Variants in ZNF236 observed in about 807,000 individuals in gnomAD.
The protein encoded by ZNF236 is regulated by glucose.
In ZNF236, 50 loss-of-function variants were observed where a neutral mutation model predicts 191.2. The observed-to-expected ratio is 0.26, with a 90% confidence interval of 0.21 to 0.33. The LOEUF is 0.33. Among genes scored for constraint, ZNF236 ranks in the 10% least tolerant of loss-of-function variants. The pLI, the probability that ZNF236 is intolerant of heterozygous loss-of-function variation, is 1.00. For synonymous variants in ZNF236, 907 were observed against 928.8 expected (o/e 0.98, Z 0.43); for missense variants, 1,754 against 2,374.5 (o/e 0.74, Z 5.43).
At chr18:76,898,059 A>T (rs993058993) in intron 10 of ZNF236, 4 of 152,216 alleles carry the variant, frequency 2.6e-5, no homozygotes, top group African/African-American at 9.7e-5. Context: ...TCAGATTTGG[A>T]TTTAGACTGA....
chr18:76,953,198 GA>G lies in ZNF236; in HGVS notation c.4915-2786del, dbSNP rs374613657. ...AAAACGAATGAACTAATTTCTGCCT[GA>G]CCCTTCCCATAAGGATCAAGAGACC... On this transcript the variant is annotated intron_variant, in intron 27 of 30. Coordinates refer to ENST00000320610, the MANE Select transcript of ZNF236 (RefSeq NM_001306089.2). 6.9e-3 allele frequency among the ~76,000 whole-genome samples: 1,045 copies of G among 152,284 alleles called. 12 individuals carry two copies. Among genetic ancestry groups the G allele is most frequent in the African/African-American group, 0.024 (996 of 41,540 alleles).
chr18:76,875,488 C>T lies in ZNF236; in HGVS notation c.668-4C>T. ...ATATTTTGATCATTTTTCTCCCACT[C>T]TAGGTGAAAGGCCGTTCAAATGTAG... On this transcript the variant is annotated splice_region_variant and splice_polypyrimidine_tract_variant and intron_variant, in intron 5 of 30. Coordinates refer to ENST00000320610, the MANE Select transcript of ZNF236 (RefSeq NM_001306089.2). This position sits in a 1 kb window ranked among gnomAD's most constrained non-coding sequence, Gnocchi z 4.3. 6.6e-7 allele frequency: 1 copy of T among 1,508,046 alleles called. No homozygotes were observed. Among genetic ancestry groups the T allele is most frequent in the Non-Finnish European group, 8.9e-7 (1 of 1,121,692 alleles). The allele number at this position is 1,508,046 out of a possible 1,614,324, so 93.4% of individuals were successfully genotyped here.
rs543723881 is a variant in ZNF236 at position 76,855,875 on chromosome 18, T to A, written c.363+3936T>A. Among the ~76,000 whole-genome samples the A allele has an allele frequency of 2.6e-5, 4 of 152,290 alleles. No individual in the cohort carries two copies. The South Asian group carries it at 8.3e-4, about 32-fold the overall frequency. On this transcript the variant is annotated intron_variant, in intron 3 of 30. Coordinates refer to ENST00000320610, the MANE Select transcript of ZNF236 (RefSeq NM_001306089.2). ...GCCCAGAACATCAGTAGTGTGAGGTTGAGGAAACCCTGGGTTAATAGAAAT... is the reference window on the plus strand; with the variant it reads ...GCCCAGAACATCAGTAGTGTGAGGTAGAGGAAACCCTGGGTTAATAGAAAT...
chr18:76,912,052 A>C (rs1013358332), intron 16 of ZNF236, among the ~76,000 whole-genome samples, 192 bp from the exon 17 acceptor site: 7 of 152,232 alleles, frequency 4.6e-5, no homozygotes, highest in African/African-American at 1.7e-4. Flanking sequence ...ATAGGTCTTC[A>C]TTTAATAAAA....
At chr18:76,885,103 T>A (rs988975261) in intron 9 of ZNF236, 6 of 152,036 alleles carry the variant, frequency 3.9e-5, no homozygotes, top group Admixed American at 6.6e-5. Flanking sequence ...CCTGGAAGAG[T>A]ACCTTTAAAG....
intron 11 of ZNF236, among the ~76,000 whole-genome samples, chr18:76,900,639 T>C (rs1181453499): frequency 1.3e-5 from 2 of 152,174 alleles, no homozygotes; most frequent in Non-Finnish European, 1.5e-5. Context: ...TACTGCATAC[T>C]ACACATGTGA....
chr18:76,884,540 CTT>C lies in ZNF236; in HGVS notation c.1417+3031_1417+3032del, dbSNP rs1976994079. Among the ~76,000 whole-genome samples, 4 of 152,050 alleles carry C rather than the reference CTT, an allele frequency of 2.6e-5. No homozygotes were observed. The South Asian group carries it at 8.3e-4, about 31-fold the overall frequency. On this transcript the variant is annotated intron_variant, in intron 9 of 30. Transcript: ENST00000320610. ...ATAGTGAAACTATTGTGTGTGGAAA[CTT>C]TTCTAAAAGTCCTTGCATACTTTAC...
At chr18:76,891,154 G>A (rs1977219962) in intron 9 of ZNF236, among the ~76,000 whole-genome samples, 1 of 152,138 alleles carries the variant, frequency 6.6e-6, no homozygotes, top group Non-Finnish European at 1.5e-5. Context: ...CTGCATCGGG[G>A]TCAGTGCCTC....
In ZNF236 at chr18:76,919,907, G is replaced by T. The variant is rs1599394493; in HGVS notation, c.3406G>T (p.Val1136Leu). 1.2e-6 allele frequency: 2 copies of T among 1,614,222 alleles called. No individual in the cohort carries two copies. The highest frequency in any genetic ancestry group is 8.5e-7 in the Non-Finnish European group (1 of 1,180,042). The change falls in exon 20 of 31, where the codon GTG becomes TTG. Residue 1136 changes from valine to leucine, a missense_variant. Transcript: ENST00000320610. The surrounding 1 kb of genome is among the most constrained non-coding windows in gnomAD (Gnocchi z 5.3). ...GATCCGGCCGCAGGAGAGCGCCACG[G>T]TGTCAGAGAAGGTCCTGGTGCAGTC... ...AKIRPQESAT[V>L]SEKVLVQSAA...
At chr18:76,877,064 A>G (rs879889889) in intron 6 of ZNF236, among the ~76,000 whole-genome samples, 7 of 152,336 alleles carry the variant, frequency 4.6e-5, no homozygotes, top group South Asian at 2.1e-4. Context: ...GAAGGGGCCA[A>G]TGGGTTTTCA....
At chr18:76,846,034 T>C (rs1461444113) in intron 1 of ZNF236, among the ~76,000 whole-genome samples, 3 of 152,208 alleles carry the variant, frequency 2.0e-5, no homozygotes, top group African/African-American at 7.2e-5. Context: ...GGTATGCTGT[T>C]CCAGCAGGGT....
chr18:76,944,813 A>G (rs1381372878), intron 26 of ZNF236, among the ~76,000 whole-genome samples: 7 of 152,210 alleles, frequency 4.6e-5, no homozygotes, highest in East Asian at 1.9e-4. Context: ...AAGGTTTGCA[A>G]TTGAAACACA....
intron 27 of ZNF236, among the ~76,000 whole-genome samples, chr18:76,949,675 T>C (rs1221588747): frequency 1.3e-5 from 2 of 151,014 alleles, no homozygotes. Context: ...TTTTTTTTTT[T>C]TGAGACAGAG....
intron 25 of ZNF236, among the ~76,000 whole-genome samples, chr18:76,932,841 G>C (rs1967893063): frequency 1.3e-5 from 2 of 152,210 alleles, no homozygotes; most frequent in South Asian, 4.1e-4. Context: ...CGAAATTGGG[G>C]ATGTTCTGAC....
chr18:76,968,838 C>A lies in ZNF236; in HGVS notation c.*499C>A, dbSNP rs571009085. ...AGTTTTTTCCACTCTTTTCTCTGTG[C>A]ATTTTGAAAATTAGTCAAAATGGAC... On this transcript the variant is annotated 3_prime_UTR_variant, in exon 31 of 31. Transcript: ENST00000320610. 1.4e-5 allele frequency: 14 copies of A among 987,040 alleles called. No individual in the cohort carries two copies. The African/African-American group carries it at 2.4e-4, about 17-fold the overall frequency. 61.1% of individuals were successfully genotyped at this position (987,040 alleles called of 1,614,324 possible).
intron 9 of ZNF236, among the ~76,000 whole-genome samples, chr18:76,892,203 G>A (rs764264741): frequency 3.8e-5 from 2 of 52,164 alleles, no homozygotes; most frequent in Non-Finnish European, 8.2e-5. Context: ...AATAGGAAGC[G>A]TATTGATTTT....
intron 1 of ZNF236, among the ~76,000 whole-genome samples, chr18:76,826,695 A>C (rs1975028936): frequency 3.4e-5 from 5 of 148,842 alleles, no homozygotes. Flanking sequence ...GCTACTTGGG[A>C]GTGCTGAGGC....
intron 3 of ZNF236, among the ~76,000 whole-genome samples, chr18:76,860,720 T>C (rs1278451376): frequency 6.6e-6 from 1 of 152,258 alleles, no homozygotes; most frequent in East Asian, 1.9e-4. Context: ...GTTGTGGTTG[T>C]AAGAACTTAC....
chr18:76,955,951 T>G (rs763026775), intron 27 of ZNF236, 34 bp from the exon 28 acceptor site: 15 of 1,588,748 alleles, frequency 9.4e-6, no homozygotes, highest in Non-Finnish European at 1.3e-5. Context: ...TCAAGCCAAG[T>G]GAGTGGAAAG....
Sources: gnomAD v4.1 joint callset for allele counts (sites outside exome capture counted in the v4.1 genomes callset) on GRCh38, gnomAD v4.1.1 for gene constraint, Gnocchi (gnomAD v3.1) non-coding constraint, MANE v1.5 for transcripts, NCBI Gene and HGNC (gene_info 2026-07-23, HGNC 2026-07-21) for gene names.